The following EPB41L5 variants were observed in gnomAD, a reference collection of about 807,000 sequenced individuals.
The protein encoded by EPB41L5 is erythrocyte membrane protein band 4.1 like 5.
EPB41L5 carries 55 observed loss-of-function variants against 106.6 expected under a neutral mutation model. The observed-to-expected ratio is 0.52, with a 90% CI of 0.42 to 0.65. EPB41L5 has a LOEUF of 0.65. Ranked by LOEUF, EPB41L5 falls within the 30% of genes least tolerant of loss-of-function variation. The probability of loss-of-function intolerance (pLI) is 0.00; values close to 1 mark genes in which losing one functional copy is unlikely to be tolerated. For missense variants in EPB41L5, 871 were observed against 882.1 expected, an observed-to-expected ratio of 0.99 and a Z score of 0.16; for synonymous variants, 297 against 306.7, an observed-to-expected ratio of 0.97 and a Z score of 0.33.
chr2:120,065,747 C>T (rs973251040), intron 3 of EPB41L5, among the ~76,000 whole-genome samples: 4 of 152,134 alleles, frequency 2.6e-5, no homozygotes, highest in Non-Finnish European at 4.4e-5. Context: ...AAACTCCTGA[C>T]CTCAGGTGAT....
intron 16 of EPB41L5, among the ~76,000 whole-genome samples, chr2:120,103,248 C>A (rs943991608): frequency 2.0e-5 from 3 of 152,148 alleles, no homozygotes; most frequent in African/African-American, 7.2e-5. Flanking sequence ...TGTCACAAGA[C>A]TTTGATTTGC....
intron 15 of EPB41L5, 36 bp from the exon 16 acceptor site, chr2:120,100,663 G>T (rs749828173): frequency 1.3e-6 from 2 of 1,487,896 alleles, no homozygotes; most frequent in South Asian, 2.3e-5. Context: ...CTGTTATCGA[G>T]GCAAAATAGA....
At chr2:120,163,709 C>A (rs564810778) in intron 21 of EPB41L5, among the ~76,000 whole-genome samples, 10 of 150,732 alleles carry the variant, frequency 6.6e-5, no homozygotes, top group Non-Finnish European at 1.3e-4. Context: ...AATCCCGGTG[C>A]TTTGGGAGGC....
In EPB41L5 at chr2:120,049,037, T is replaced by C. The variant is rs1410981457; in HGVS notation, c.285+6927T>C. ...CTGTGGTCTGAGAGACAGTTTGTTATAATTTCTATTCCTTTACATTTGCCG... is the reference window on the plus strand; with the variant it reads ...CTGTGGTCTGAGAGACAGTTTGTTACAATTTCTATTCCTTTACATTTGCCG... On this transcript the variant is annotated intron_variant, in intron 3 of 24. Coordinates refer to ENST00000263713, the MANE Select transcript of EPB41L5 (RefSeq NM_020909.4). Among the ~76,000 whole-genome samples the C allele has an allele frequency of 4.6e-5, 7 of 152,354 alleles. 1 individual carries two copies. The South Asian group carries it at 1.4e-3, about 32-fold the overall frequency.
chr2:120,019,239 G>A lies in EPB41L5; in HGVS notation c.155G>A (p.Gly52Asp). ...ACGTGTCGGGTGTCCCTTCTGGATG[G>A]TACTGATGTTAGTGTGGACTTGCCA... ...IITCRVSLLD[G>D]TDVSVDLPKK... Residue 52 changes from glycine to aspartate, a missense_variant, in exon 2 of 25, where the codon GGT (glycine) becomes GAT (aspartate). Gly to Asp is a moderately conservative substitution (Grantham distance 94). Coordinates refer to ENST00000263713, the MANE Select transcript of EPB41L5 (RefSeq NM_020909.4). 6.2e-7 allele frequency: 1 copy of A among 1,611,830 alleles called. No individual in the cohort carries two copies. Among genetic ancestry groups the A allele is most frequent in the Non-Finnish European group, 8.5e-7 (1 of 1,179,538 alleles).
intron 3 of EPB41L5, among the ~76,000 whole-genome samples, chr2:120,061,028 G>C (rs1375341146): frequency 9.8e-6 from 1 of 101,698 alleles, no homozygotes; most frequent in Admixed American, 1.1e-4. Flanking sequence ...CTGGTTCAGG[G>C]AAGTTTTTTT....
chr2:120,096,116 G>A (rs1295162880), intron 14 of EPB41L5, among the ~76,000 whole-genome samples: 1 of 152,184 alleles, frequency 6.6e-6, no homozygotes, highest in African/African-American at 2.4e-5. Context: ...ATTTATTTTT[G>A]AATTTGTCTG....
intron 24 of EPB41L5, among the ~76,000 whole-genome samples, chr2:120,168,955 A>T (rs985234858): frequency 6.6e-5 from 10 of 152,202 alleles, no homozygotes; most frequent in South Asian, 4.1e-4. Flanking sequence ...CCTAATAATG[A>T]TCACTGTAAA....
chr2:120,106,169 A>G (rs1684442617), intron 16 of EPB41L5: 3 of 985,368 alleles, frequency 3.0e-6, no homozygotes, highest in Non-Finnish European at 3.6e-6. Flanking sequence ...TCTTTTGTTG[A>G]AAACCTTGTT....
intron 10 of EPB41L5, among the ~76,000 whole-genome samples, chr2:120,081,888 A>G (rs1208884404): frequency 6.6e-6 from 1 of 152,018 alleles, no homozygotes; most frequent in Admixed American, 6.6e-5. Flanking sequence ...ATGGGAGTTC[A>G]CTCATGATTT....
intron 3 of EPB41L5, among the ~76,000 whole-genome samples, chr2:120,046,614 G>A (rs566132658): frequency 6.6e-6 from 1 of 151,716 alleles, no homozygotes; most frequent in African/African-American, 2.4e-5. Context: ...TAGGTTGCCT[G>A]TTCACTCTGA....
chr2:120,104,923 T>C (rs1435340622), intron 16 of EPB41L5: 2 of 977,810 alleles, frequency 2.0e-6, no homozygotes, highest in East Asian at 2.3e-4. Flanking sequence ...ATCATAACAG[T>C]TAACCAGTGG....
chr2:120,170,727 T>C (rs1687638572), intron 24 of EPB41L5, among the ~76,000 whole-genome samples: 1 of 152,316 alleles, frequency 6.6e-6, no homozygotes, highest in South Asian at 2.1e-4. Context: ...AGAGATTACA[T>C]AGGAGTGTGA....
intron 17 of EPB41L5, among the ~76,000 whole-genome samples, chr2:120,129,555 T>G (rs1390243021): frequency 3.9e-5 from 6 of 152,208 alleles, no homozygotes; most frequent in Admixed American, 3.9e-4. Flanking sequence ...TCCATTACAC[T>G]AATTCACAAA....
At chr2:120,040,475 G>A (rs1679333366) in intron 2 of EPB41L5, among the ~76,000 whole-genome samples, 1 of 152,186 alleles carries the variant, frequency 6.6e-6, no homozygotes, top group African/African-American at 2.4e-5. Flanking sequence ...TGTCATTCGA[G>A]TGAGGGCATG....
chr2:120,083,747 AG>A (rs1682858450), intron 10 of EPB41L5, among the ~76,000 whole-genome samples: 1 of 152,152 alleles, frequency 6.6e-6, no homozygotes, highest in Non-Finnish European at 1.5e-5. Context: ...GTCTCTTTGT[AG>A]GTCTCTAAGC....
At chr2:120,172,892 T>C (rs191114865) in intron 24 of EPB41L5, among the ~76,000 whole-genome samples, 1 of 152,286 alleles carries the variant, frequency 6.6e-6, no homozygotes, top group Admixed American at 6.5e-5. Context: ...TAAAAAATTA[T>C]ATTACATGTC....
chr2:120,165,967 C>CCA (rs1687383362), intron 22 of EPB41L5, among the ~76,000 whole-genome samples: 2 of 27,998 alleles, frequency 7.1e-5, no homozygotes, highest in South Asian at 3.5e-3. Flanking sequence ...GACTCCGTCT[C>CCA]AAAAAAAAAA....
At chr2:120,144,247 C>T (rs951562108) in intron 19 of EPB41L5, among the ~76,000 whole-genome samples, 1 of 152,126 alleles carries the variant, frequency 6.6e-6, no homozygotes, top group Non-Finnish European at 1.5e-5. Flanking sequence ...ACTTATTTAA[C>T]CCTTCAACCA....
Sources: allele counts gnomAD v4.1 joint callset (sites outside exome capture counted in the v4.1 genomes callset), GRCh38; gene constraint gnomAD v4.1.1; transcripts MANE v1.5; gene names NCBI Gene and HGNC (gene_info 2026-07-23, HGNC 2026-07-21).